The following MRC2 variants were observed in gnomAD, a reference collection of about 807,000 sequenced individuals.
The protein encoded by MRC2 is C-type mannose receptor 2.
A neutral mutation model predicts 206.2 loss-of-function variants in MRC2; 84 were observed. The ratio of observed to expected loss-of-function variants is 0.41; its 90% CI spans 0.34 to 0.49. MRC2 has a LOEUF of 0.49. Ranked by LOEUF, MRC2 falls within the 20% of genes least tolerant of loss-of-function variation. The pLI, the probability that MRC2 is intolerant of heterozygous loss-of-function variation, is 0.31. For missense variants in MRC2, 1,676 were observed against 2,001.5 expected, an observed-to-expected ratio of 0.84 and a Z score of 3.10; for synonymous variants, 798 against 800.0, an observed-to-expected ratio of 1.00 and a Z score of 0.04.
At position 62,680,116 on chromosome 17, in the gene MRC2, G is replaced by C; in HGVS notation, c.2299-54G>C. On this transcript the variant is annotated intron_variant, in intron 14 of 29. Coordinates refer to ENST00000303375, the MANE Select transcript of MRC2 (RefSeq NM_006039.5). The surrounding 1 kb of genome is among the most constrained non-coding windows in gnomAD (Gnocchi z 4.8). ...CTTGTTCACCTGTTCCGGGCATGGG[G>C]GCGGCCTGCACCTTGCGCCTCACGT... 8.7e-6 allele frequency: 14 copies of C among 1,608,752 alleles called. No individual in the cohort carries two copies. The highest frequency in any genetic ancestry group is 1.2e-5 in the Non-Finnish European group (14 of 1,176,880).
chr17:62,680,100 C>T lies in MRC2; in HGVS notation c.2299-70C>T. On this transcript the variant is annotated intron_variant, in intron 14 of 29. Coordinates refer to ENST00000303375, the MANE Select transcript of MRC2 (RefSeq NM_006039.5). The surrounding 1 kb of genome is among the most constrained non-coding windows in gnomAD (Gnocchi z 4.8). ...AGCTCAGGCCAGGCCTCTTGTTCAC[C>T]TGTTCCGGGCATGGGGGCGGCCTGC... 1 of 1,599,086 alleles carries T rather than the reference C, an allele frequency of 6.3e-7. No homozygotes were observed. The highest frequency in any genetic ancestry group is 8.5e-7 in the Non-Finnish European group (1 of 1,170,942).
At chr17:62,683,698 T>A (rs980026404) in intron 20 of MRC2, among the ~76,000 whole-genome samples, 3 of 151,364 alleles carry the variant, frequency 2.0e-5, no homozygotes, top group African/African-American at 7.3e-5. Context: ...ACCATGTCTC[T>A]ACAAAAAATA....
intron 9 of MRC2, among the ~76,000 whole-genome samples, chr17:62,674,668 C>T (rs1309102997): frequency 2.0e-5 from 3 of 151,674 alleles, no homozygotes; most frequent in African/African-American, 7.3e-5. Flanking sequence ...TTCCCAGCCC[C>T]AGTGGGCTTC....
Position 62,667,522 on chromosome 17 carries a change from C to A in MRC2, c.1106C>A (p.Pro369His). The A allele has an allele frequency of 6.2e-7, 1 of 1,610,462 alleles. No individual in the cohort carries two copies. Among genetic ancestry groups the A allele is most frequent in the Non-Finnish European group, 8.5e-7 (1 of 1,179,264 alleles). Residue 369 changes from proline to histidine, a missense_variant, in exon 6 of 30, where the codon CCC (proline) becomes CAC (histidine). Coordinates refer to ENST00000303375, the MANE Select transcript of MRC2 (RefSeq NM_006039.5). The surrounding 1 kb of genome is among the most constrained non-coding windows in gnomAD (Gnocchi z 4.1). ...CKKKPNATAE[P>H]TPPDRWANVK... ...AAGAAGCCCAACGCCACGGCCGAGC[C>A]CACCCCTCCAGGTGAGCCAGGGACT... is the stretch of plus-strand genomic sequence containing the variant.
At chr17:62,688,752 C>G in intron 22 of MRC2, 88 bp downstream of exon 22, 1 of 1,590,632 alleles carries the variant, frequency 6.3e-7, no homozygotes, top group Non-Finnish European at 8.6e-7. Flanking sequence ...GCCCCAGGGT[C>G]TCCCTTCTTC....
In MRC2 at chr17:62,672,128, G is replaced by C; in HGVS notation, c.1437G>C (p.Glu479Asp). Residue 479 changes from glutamate (E) to aspartate (D), a missense_variant, in exon 8 of 30, where the codon GAG (glutamate) becomes GAC (aspartate). By Grantham distance (45) the Glu-to-Asp change is conservative. Transcript: ENST00000303375. The surrounding 1 kb of genome is among the most constrained non-coding windows in gnomAD (Gnocchi z 4.5). ...CCAACAACTTCCGGGACAGTCTGGA[G>C]GACTGTGTCACCATCTGGGGCCCGG... Reference protein sequence around the residue: ...FEPNNFRDSLEDCVTIWGPEG... With the variant: ...FEPNNFRDSLDDCVTIWGPEG... 6.2e-7 allele frequency: 1 copy of C among 1,614,088 alleles called. No individual in the cohort carries two copies. The highest frequency in any genetic ancestry group is 8.5e-7 in the Non-Finnish European group (1 of 1,180,040).
In MRC2 at chr17:62,674,140, G is replaced by C; in HGVS notation, c.1539G>C (p.Gly513=). 1 of 1,553,468 alleles carries C rather than the reference G, an allele frequency of 6.4e-7. No individual in the cohort carries two copies. The highest frequency in any genetic ancestry group is 8.7e-7 in the Non-Finnish European group (1 of 1,148,162). ...AGAAGGCAGGCCAGCTGAGCCAGGG[G>C]GCCGCCGAGGAGGACCATGGCTGCC... ...ICKKAGQLSQ[G]AAEEDHGCRK... The change falls in exon 9 of 30, where the codon GGG becomes GGC. Residue 513 remains glycine (G), a synonymous_variant. Coordinates refer to ENST00000303375, the MANE Select transcript of MRC2 (RefSeq NM_006039.5).
Position 62,692,360 on chromosome 17 carries a change from C to T in MRC2, c.4349C>T (p.Ala1450Val). 1.3e-6 allele frequency: 2 copies of T among 1,573,248 alleles called. No homozygotes were observed. Among genetic ancestry groups the T allele is most frequent in the Non-Finnish European group, 1.7e-6 (2 of 1,159,414 alleles). ...ATCGAGCGCGGGGCCTTTGAGGGTG[C>T]CCGCTACAGCCGCAGCAGCTCCAGC... ...QSIERGAFEG[A>V]RYSRSSSSPT... The change falls in exon 30 of 30, where the codon GCC (alanine) becomes GTC (valine). Residue 1450 changes from alanine to valine, a missense_variant. Transcript: ENST00000303375. This position sits in a 1 kb window ranked among gnomAD's most constrained non-coding sequence, Gnocchi z 4.2.
In MRC2 at chr17:62,689,971, G is replaced by C. The variant is rs140662871; in HGVS notation, c.3651G>C (p.Pro1217=). ...VGWQDGEPQQ[P]GGCTYVDVDG... ...GGCAGGACGGGGAGCCGCAGCAGCC[G>C]GGGGGCTGTACCTACGTAGATGTGG... The change falls in exon 25 of 30, where the codon CCG becomes CCC. Residue 1217 remains proline (P), a synonymous_variant. Coordinates refer to ENST00000303375, the MANE Select transcript of MRC2 (RefSeq NM_006039.5). 1.9e-6 allele frequency: 3 copies of C among 1,612,344 alleles called. No individual in the cohort carries two copies. Among genetic ancestry groups the C allele is most frequent in the East Asian group, 2.2e-5 (1 of 44,854 alleles).
At chr17:62,689,307 A>G in intron 23 of MRC2, 1 of 580,032 alleles carries the variant, frequency 1.7e-6, no homozygotes, top group Non-Finnish European at 3.1e-6. Flanking sequence ...CTTGGGTAGG[A>G]GGAGGTCAAG....
At chr17:62,683,971 C>G (rs538355174) in intron 20 of MRC2, 2 of 152,010 alleles carry the variant, frequency 1.3e-5, no homozygotes, top group Non-Finnish European at 2.9e-5. Context: ...TGGCCCTGCA[C>G]AAGGATGCTA....
chr17:62,672,273 C>A lies in MRC2; in HGVS notation c.1461+121C>A. The A allele has an allele frequency of 8.7e-7, 1 of 1,147,006 alleles. No homozygotes were observed. The highest frequency in any genetic ancestry group is 1.3e-6 in the Non-Finnish European group (1 of 795,102). 71.1% of individuals were successfully genotyped at this position (1,147,006 alleles called of 1,614,324 possible). On this transcript the variant is annotated intron_variant, in intron 8 of 29. Transcript: ENST00000303375. The surrounding 1 kb of genome is among the most constrained non-coding windows in gnomAD (Gnocchi z 4.5). ...CTGCCTGGAACCTCTTACCTCTCAG[C>A]AGTCCCCCTCCTCCCCACCAATGCC...
At chr17:62,682,404 G>A (rs1192608767) in intron 20 of MRC2, 27 bp downstream of exon 20, 1 of 1,592,476 alleles carries the variant, frequency 6.3e-7, no homozygotes. Flanking sequence ...GGGCACCCAA[G>A]GGAGTCAGGG....
In MRC2 at chr17:62,677,309, C is replaced by T. The variant is rs775942017; in HGVS notation, c.1875C>T (p.Ser625=). 11 of 1,605,660 alleles carry T rather than the reference C, an allele frequency of 6.9e-6. No individual in the cohort carries two copies. The highest frequency in any genetic ancestry group is 1.1e-5 in the South Asian group (1 of 89,590). The part of the protein sequence containing the change: ...RGGCVALATG[S]AMGLWEVKNC... ...GCTGCGTGGCGCTGGCCACTGGCAG[C>T]GCCATGGGGCTGTGGGAGGTGAAGA... Residue 625 remains serine, a synonymous_variant, in exon 12 of 30, where the codon AGC becomes AGT. Coordinates refer to ENST00000303375, the MANE Select transcript of MRC2 (RefSeq NM_006039.5).
Position 62,671,577 on chromosome 17 carries a change from C to T in MRC2, c.1118-72C>T, listed in dbSNP as rs555084453. 3.3e-5 allele frequency: 47 copies of T among 1,437,452 alleles called. No individual in the cohort carries two copies. Among genetic ancestry groups the T allele is most frequent in the Admixed American group, 1.6e-4 (7 of 43,070 alleles). 89.0% of individuals were successfully genotyped at this position (1,437,452 alleles called of 1,614,324 possible). ...GACTGGGAGGCCTCGCCTGTGTTGA[C>T]GTCAACCCAGTGGGTTGGTTCCCAG... On this transcript the variant is annotated intron_variant, in intron 6 of 29. Coordinates refer to ENST00000303375, the MANE Select transcript of MRC2 (RefSeq NM_006039.5). The surrounding 1 kb of genome is among the most constrained non-coding windows in gnomAD (Gnocchi z 4.5).
At chr17:62,645,516 TATATATATA>T (rs1256485074) in intron 1 of MRC2, among the ~76,000 whole-genome samples, 18 of 70,394 alleles carry the variant, frequency 2.6e-4, no homozygotes, top group African/African-American at 6.4e-4. Context: ...TATATATATA[TATATATATA>T]TATTTTTTTT....
chr17:62,672,113 C>T lies in MRC2; in HGVS notation c.1422C>T (p.Phe474=), dbSNP rs145695637. ...GGCACCCCTTTGAGCCCAACAACTTCCGGGACAGTCTGGAGGACTGTGTCA... is the reference window on the plus strand; with the variant it reads ...GGCACCCCTTTGAGCCCAACAACTTTCGGGACAGTCTGGAGGACTGTGTCA... ...THWHPFEPNN[F]RDSLEDCVTI... is the part of the protein sequence containing the mutation. The change falls in exon 8 of 30, where the codon TTC becomes TTT. Residue 474 remains phenylalanine (F), a synonymous_variant. Coordinates refer to ENST00000303375, the MANE Select transcript of MRC2 (RefSeq NM_006039.5). This position sits in a 1 kb window ranked among gnomAD's most constrained non-coding sequence, Gnocchi z 4.5. The T allele has an allele frequency of 4.0e-5, 65 of 1,613,978 alleles. No individual in the cohort carries two copies. The African/African-American group carries it at 7.9e-4, about 20-fold the overall frequency.
rs1340698030 is a variant in MRC2 at position 62,664,316 on chromosome 17, G to T, written c.119-232G>T. Among the ~76,000 whole-genome samples, 1 of 151,820 alleles carries T rather than the reference G, an allele frequency of 6.6e-6. No homozygotes were observed. Among genetic ancestry groups the T allele is most frequent in the Non-Finnish European group, 1.5e-5 (1 of 67,806 alleles). ...GAGTCCTCCCTCCTGGTGAGCAGGGGCTAGAACAGAGGTAGTCCTGCAGGC... is the reference window on the plus strand; with the variant it reads ...GAGTCCTCCCTCCTGGTGAGCAGGGTCTAGAACAGAGGTAGTCCTGCAGGC... On this transcript the variant is annotated intron_variant, in intron 1 of 29. Coordinates refer to ENST00000303375, the MANE Select transcript of MRC2 (RefSeq NM_006039.5). This position sits in a 1 kb window ranked among gnomAD's most constrained non-coding sequence, Gnocchi z 4.7.
intron 1 of MRC2, among the ~76,000 whole-genome samples, chr17:62,643,141 A>G (rs1240902966): frequency 1.3e-5 from 2 of 152,148 alleles, no homozygotes; most frequent in Non-Finnish European, 2.9e-5. Context: ...CAGCCTGGCC[A>G]GCATGATGAA....
Sources: gnomAD v4.1 joint callset for allele counts (sites outside exome capture counted in the v4.1 genomes callset) on GRCh38, gnomAD v4.1.1 for gene constraint, Gnocchi (gnomAD v3.1) non-coding constraint, MANE v1.5 for transcripts, NCBI Gene and HGNC (gene_info 2026-07-23, HGNC 2026-07-21) for gene names.